SH3TC1: variants seen among roughly 807,000 people sequenced by gnomAD.
SH3TC1 encodes SH3 domain and tetratricopeptide repeats 1.
A neutral mutation model predicts 117.3 loss-of-function variants in SH3TC1; 135 were observed. The observed-to-expected ratio is 1.15, with a 90% CI of 1.00 to 1.33. The LOEUF (loss-of-function observed/expected upper bound fraction) is 1.33, where lower values mean the gene tolerates loss of function less well. Among genes scored for constraint, SH3TC1 ranks in the 40% most tolerant of loss-of-function variants. SH3TC1 has a pLI of 0.00. For synonymous variants in SH3TC1, 898 were observed against 816.9 expected (o/e 1.10, Z -1.69); for missense variants, 2,092 against 1,794.3 (o/e 1.17, Z -3.00).
At chr4:8,197,638 G>A (rs1717599980), upstream of SH3TC1, among the ~76,000 whole-genome samples, 1 of 152,208 alleles carries the variant, frequency 6.6e-6, no homozygotes, top group East Asian at 1.9e-4. Context: ...GTGGGGCCTG[G>A]CCAGGCCGGG....
At position 8,216,204 on chromosome 4, in the gene SH3TC1, A is replaced by T. The variant is rs754713960; in HGVS notation, c.575A>T (p.His192Leu). 8 of 1,613,864 alleles carry T rather than the reference A, an allele frequency of 5.0e-6. No homozygotes were observed. The East Asian group carries it at 1.8e-4, about 36-fold the overall frequency. Residue 192 changes from histidine (H) to leucine (L), a missense_variant, in exon 6 of 18, where the codon CAT becomes CTT. His to Leu is a moderately conservative substitution (Grantham distance 99). Coordinates refer to ENST00000245105, the MANE Select transcript of SH3TC1 (RefSeq NM_018986.5). ...SEEEETAIQV[H>L]VDENALRLTH... ...GAGGAGGAGACGGCCATCCAAGTCC[A>T]TGTGGATGAGAACGCCTTAAGGCTG...
intron 1 of SH3TC1, among the ~76,000 whole-genome samples, chr4:8,194,176 G>A (rs1050705492): frequency 6.6e-6 from 1 of 152,178 alleles, no homozygotes; most frequent in Non-Finnish European, 1.5e-5. Flanking sequence ...AATTAAAAGG[G>A]GCGGCGGGGG....
upstream of SH3TC1, among the ~76,000 whole-genome samples, chr4:8,198,365 G>T (rs57380207): frequency 9.2e-3 from 1,403 of 152,318 alleles, 10 homozygotes; most frequent in Middle Eastern, 0.051. Flanking sequence ...TCACAGCACA[G>T]GCTGGAGGGA....
In SH3TC1 at chr4:8,219,523, G is replaced by T; in HGVS notation, c.1105G>T (p.Val369Leu). The change falls in exon 9 of 18, where the codon GTG (valine) becomes TTG (leucine). Residue 369 changes from valine (V) to leucine (L), a missense_variant. Coordinates refer to ENST00000245105, the MANE Select transcript of SH3TC1 (RefSeq NM_018986.5). ...RSSLISMQGP[V>L]SELESAIFLN... ...CAGCCTCATCAGCATGCAGGGCCCC[G>T]TGTCCGAGTGAGTGGCTGGAGCCCC... 1 of 1,557,048 alleles carries T rather than the reference G, an allele frequency of 6.4e-7. No individual in the cohort carries two copies. The highest frequency in any genetic ancestry group is 2.3e-5 in the East Asian group (1 of 43,124).
intron 4 of SH3TC1, among the ~76,000 whole-genome samples, chr4:8,214,201 G>C (rs537097700): frequency 9.2e-5 from 14 of 152,180 alleles, no homozygotes; most frequent in African/African-American, 3.4e-4. Flanking sequence ...CAGGTAGAGT[G>C]CTGAGGGGGA....
rs1375865395 is a variant in SH3TC1 at position 8,190,831 on chromosome 4, C to G, written c.-57+8621C>G. Among the ~76,000 whole-genome samples, 1 of 151,998 alleles carries G rather than the reference C, an allele frequency of 6.6e-6. No homozygotes were observed. Among genetic ancestry groups the G allele is most frequent in the Non-Finnish European group, 1.5e-5 (1 of 67,968 alleles). ...AATTTTTTTGTATTTTTTGTAGAGA[C>G]GGGTTTCACCATGTTGCCCAGGCTG... On this transcript the variant is annotated intron_variant, in intron 1 of 16. Coordinates refer to the SH3TC1 transcript ENST00000508641. The surrounding 1 kb of genome is among the most constrained non-coding windows in gnomAD (Gnocchi z 4.7).
At chr4:8,237,445 C>T in intron 16 of SH3TC1, 29 bp from the exon 17 acceptor site, 2 of 1,480,298 alleles carry the variant, frequency 1.4e-6, no homozygotes, top group African/African-American at 1.4e-5. Flanking sequence ...GCCACGTCCT[C>T]ACACCTGCCC....
intron 14 of SH3TC1, among the ~76,000 whole-genome samples, 179 bp downstream of exon 14, chr4:8,233,692 T>C: frequency 6.6e-6 from 1 of 150,898 alleles, no homozygotes; most frequent in Non-Finnish European, 1.5e-5. Flanking sequence ...CTTCCATCCA[T>C]CCATCATCCA....
Position 8,186,714 on chromosome 4 carries a change from T to C in SH3TC1, c.-57+4504T>C, listed in dbSNP as rs1162806378. The stretch of plus-strand genomic sequence containing the variant: ...ATCCCAGCACTTTGGGAGATGGAGG[T>C]GGGTAGATCACTTGAGGTCAAAAGT... On this transcript the variant is annotated intron_variant, in intron 1 of 16. Transcript: ENST00000508641. This position sits in a 1 kb window ranked among gnomAD's most constrained non-coding sequence, Gnocchi z 5.2. Among the ~76,000 whole-genome samples, 1 of 151,750 alleles carries C rather than the reference T, an allele frequency of 6.6e-6. No individual in the cohort carries two copies. The highest frequency in any genetic ancestry group is 1.5e-5 in the Non-Finnish European group (1 of 67,980).
rs916080497 is a variant in SH3TC1 at position 8,236,566 on chromosome 4, T to C, written c.3556+138T>C. On this transcript the variant is annotated intron_variant, in intron 16 of 17. Coordinates refer to ENST00000245105, the MANE Select transcript of SH3TC1 (RefSeq NM_018986.5). The stretch of plus-strand genomic sequence containing the variant: ...AGGCAGGCACATCTGCCCAGCTGGC[T>C]CCCCCGTCCGGCCGTGGGGCACAGC... The C allele has an allele frequency of 3.3e-6, 4 of 1,225,892 alleles. No individual in the cohort carries two copies. In the African/African-American group the frequency reaches 4.8e-5, roughly 15 times the overall value. 75.9% of individuals were successfully genotyped at this position (1,225,892 alleles called of 1,614,324 possible).
chr4:8,216,112 C>T lies in SH3TC1; in HGVS notation c.483C>T (p.Gly161=), dbSNP rs748244165. The change falls in exon 6 of 18, where the codon GGC becomes GGT. Residue 161 remains glycine, a splice_region_variant and synonymous_variant. Coordinates refer to ENST00000245105, the MANE Select transcript of SH3TC1 (RefSeq NM_018986.5). ...IWKFSTYHAL[G]FTHHCLANLL... is the part of the protein sequence containing the mutation. ...GGTGACTGGGCCTGGCCTCCACAGG[C>T]TTCACTCATCACTGCCTGGCAAACC... 6.2e-7 allele frequency: 1 copy of T among 1,612,882 alleles called. No individual in the cohort carries two copies. Among genetic ancestry groups the T allele is most frequent in the South Asian group, 1.1e-5 (1 of 90,994 alleles).
At chr4:8,211,746 T>C (rs1718750894) in intron 3 of SH3TC1, among the ~76,000 whole-genome samples, 1 of 151,750 alleles carries the variant, frequency 6.6e-6, no homozygotes, top group Non-Finnish European at 1.5e-5. Flanking sequence ...TAGTGGGAAA[T>C]TGCCAACCTC....
At chr4:8,218,923 T>A (rs1376391894) in intron 8 of SH3TC1, among the ~76,000 whole-genome samples, 1 of 151,890 alleles carries the variant, frequency 6.6e-6, no homozygotes, top group Non-Finnish European at 1.5e-5. Context: ...GCTGCCGGTG[T>A]CTGGGTGGCC....
intron 12 of SH3TC1, 43 bp downstream of exon 12, chr4:8,228,687 G>C: frequency 1.4e-6 from 2 of 1,381,522 alleles, no homozygotes; most frequent in Non-Finnish European, 1.9e-6. Flanking sequence ...GGGGCCACTC[G>C]GGTCAGGGCA....
chr4:8,198,382 C>T (rs1205418346), upstream of SH3TC1, among the ~76,000 whole-genome samples: 4 of 152,332 alleles, frequency 2.6e-5, no homozygotes, highest in South Asian at 2.1e-4. Context: ...GGGATCCCTC[C>T]CATTCCCACT....
intron 4 of SH3TC1, 55 bp from the exon 5 acceptor site, chr4:8,214,420 A>C: frequency 6.5e-7 from 1 of 1,534,070 alleles, no homozygotes; most frequent in Non-Finnish European, 9.0e-7. Context: ...TGTCCTCCTG[A>C]CAGATGCCCC....
rs550696795 is a variant in SH3TC1 at position 8,209,506 on chromosome 4, G to A, written c.173-242G>A. ...GAACTTGAGAGCGGCGGGATCATAC[G>A]AGTCGTGTGGTCTTAAGCCTCTGAG... is the stretch of plus-strand genomic sequence containing the variant. On this transcript the variant is annotated intron_variant, in intron 2 of 17. Coordinates refer to ENST00000245105, the MANE Select transcript of SH3TC1 (RefSeq NM_018986.5). The surrounding 1 kb of genome is among the most constrained non-coding windows in gnomAD (Gnocchi z 5.9). 21 of 757,778 alleles carry A rather than the reference G, an allele frequency of 2.8e-5. No individual in the cohort carries two copies. Among genetic ancestry groups the A allele is most frequent in the Middle Eastern group, 3.7e-4 (1 of 2,706 alleles). 46.9% of individuals were successfully genotyped at this position (757,778 alleles called of 1,614,324 possible). A position where few individuals can be genotyped will look rare whatever the true frequency, so the allele number is the denominator to read the frequency against.
chr4:8,218,356 T>C lies in SH3TC1; in HGVS notation c.916+9T>C. On this transcript the variant is annotated intron_variant, in intron 8 of 17. Transcript: ENST00000245105. ...CGGCAACCCGCTGATGGGTAAGTGT[T>C]TCCATGGGCCTCTCTTTTTTGGGGA... 6.2e-7 allele frequency: 1 copy of C among 1,601,772 alleles called. No homozygotes were observed. Among genetic ancestry groups the C allele is most frequent in the South Asian group, 1.1e-5 (1 of 89,800 alleles).
At chr4:8,189,123 G>T (rs747905) in intron 1 of SH3TC1, among the ~76,000 whole-genome samples, 71 of 152,354 alleles carry the variant, frequency 4.7e-4, no homozygotes, top group African/African-American at 1.7e-3. Flanking sequence ...AACCCGGCTC[G>T]GAATACATGG....
Sources: gnomAD v4.1 joint callset for allele counts (sites outside exome capture counted in the v4.1 genomes callset) on GRCh38, gnomAD v4.1.1 for gene constraint, Gnocchi (gnomAD v3.1) non-coding constraint, MANE v1.5 for transcripts, NCBI Gene and HGNC (gene_info 2026-07-23, HGNC 2026-07-21) for gene names.